NXPH1: variants seen among roughly 807,000 people sequenced by gnomAD.
NXPH1 encodes the protein neurexophilin 1, also known as neurexophilin-1.
A neutral mutation model predicts 23.7 loss-of-function variants in NXPH1; 5 were observed. That is an observed-to-expected ratio of 0.21 (90% confidence interval 0.11 to 0.44). The LOEUF is 0.44. Ranked by LOEUF, NXPH1 falls within the 20% of genes least tolerant of loss-of-function variation. The pLI, the probability that NXPH1 is intolerant of heterozygous loss-of-function variation, is 0.99. For synonymous variants in NXPH1, 144 were observed against 122.2 expected (o/e 1.18, Z -1.18); for missense variants, 324 against 321.6 (o/e 1.01, Z -0.06).
At chr7:8,531,942 T>C (rs926652306) in intron 2 of NXPH1, among the ~76,000 whole-genome samples, 2 of 152,172 alleles carry the variant, frequency 1.3e-5, no homozygotes, top group Non-Finnish European at 2.9e-5. Flanking sequence ...TTGTATCTGA[T>C]CCTTCGTCTC....
chr7:8,591,164 T>C (rs1397545586), intron 2 of NXPH1, among the ~76,000 whole-genome samples: 2 of 152,094 alleles, frequency 1.3e-5, no homozygotes, highest in African/African-American at 4.8e-5. Context: ...GTTTATTGAG[T>C]GTTTACAGTG....
intron 2 of NXPH1, among the ~76,000 whole-genome samples, chr7:8,634,583 C>G (rs1376514613): frequency 6.7e-6 from 1 of 149,188 alleles, no homozygotes; most frequent in African/African-American, 2.5e-5. Context: ...TTTGCATTAA[C>G]TTACAAAGCA....
chr7:8,443,991 C>T (rs1816353741), intron 2 of NXPH1, among the ~76,000 whole-genome samples: 2 of 152,186 alleles, frequency 1.3e-5, no homozygotes, highest in South Asian at 2.1e-4. Flanking sequence ...GCAGACACTG[C>T]GGTCACTTAA....
intron 2 of NXPH1, among the ~76,000 whole-genome samples, chr7:8,597,468 A>T (rs79414630): frequency 0.046 from 6,934 of 152,120 alleles, 226 homozygotes; most frequent in East Asian, 0.12. Flanking sequence ...GAGTTTGAAT[A>T]AAGGTTGTAC....
intron 2 of NXPH1, among the ~76,000 whole-genome samples, chr7:8,465,140 A>T (rs918208582): frequency 1.3e-5 from 2 of 152,218 alleles, no homozygotes; most frequent in African/African-American, 4.8e-5. Flanking sequence ...AGTATAGGGG[A>T]TCTCCCCAAA....
intron 2 of NXPH1, among the ~76,000 whole-genome samples, chr7:8,660,956 C>CTT (rs78990589): frequency 0.075 from 10,414 of 139,442 alleles, 676 homozygotes; most frequent in East Asian, 0.26. Flanking sequence ...TATATCATTC[C>CTT]TTTTTTTTTT....
rs544232258 is a variant in NXPH1 at position 8,500,257 on chromosome 7, T to G, written c.54+64490T>G. Among the ~76,000 whole-genome samples, 2 of 152,186 alleles carry G rather than the reference T, an allele frequency of 1.3e-5. 1 individual carries two copies. The highest frequency in any genetic ancestry group is 4.1e-4 in the South Asian group (2 of 4,826). Reference sequence around the variant, plus strand: ...CTAAGTTTTACTTCAGCAGCATCAATTACCTTTTGTCTAGTAGTCCCTCAG... The same window carrying G: ...CTAAGTTTTACTTCAGCAGCATCAAGTACCTTTTGTCTAGTAGTCCCTCAG... On this transcript the variant is annotated intron_variant, in intron 2 of 2. Transcript: ENST00000405863.
At chr7:8,624,708 AT>A in intron 2 of NXPH1, among the ~76,000 whole-genome samples, 1 of 152,266 alleles carries the variant, frequency 6.6e-6, no homozygotes, top group Middle Eastern at 3.4e-3. Flanking sequence ...AGTAAAGACA[AT>A]TGCAGAGTGA....
At chr7:8,704,750 T>TAA (rs35297418) in intron 2 of NXPH1, among the ~76,000 whole-genome samples, 20 of 146,022 alleles carry the variant, frequency 1.4e-4, no homozygotes, top group Admixed American at 6.1e-4. Context: ...ACTTAATCTG[T>TAA]AAAAAAAAAA....
chr7:8,712,679 T>G (rs1386965955), intron 2 of NXPH1, among the ~76,000 whole-genome samples: 3 of 152,214 alleles, frequency 2.0e-5, no homozygotes, highest in Non-Finnish European at 4.4e-5. Flanking sequence ...CTCATTGACT[T>G]CTTATGTCAG....
At chr7:8,630,213 C>T (rs1820098847) in intron 2 of NXPH1, among the ~76,000 whole-genome samples, 1 of 151,996 alleles carries the variant, frequency 6.6e-6, no homozygotes, top group Non-Finnish European at 1.5e-5. Context: ...AGAGACTTCA[C>T]CTGGAAAGTT....
At chr7:8,533,637 A>T (rs948167210) in intron 2 of NXPH1, among the ~76,000 whole-genome samples, 1 of 152,204 alleles carries the variant, frequency 6.6e-6, no homozygotes, top group Non-Finnish European at 1.5e-5. Context: ...TGCTTTTTCC[A>T]AATTTTGTAC....
chr7:8,615,391 GT>G (rs771899102), intron 2 of NXPH1, among the ~76,000 whole-genome samples: 8 of 151,956 alleles, frequency 5.3e-5, no homozygotes, highest in Non-Finnish European at 1.0e-4. Context: ...ACCTCTTAAG[GT>G]TGTTGAGAGG....
At chr7:8,511,429 G>T (rs1239016963) in intron 2 of NXPH1, among the ~76,000 whole-genome samples, 2 of 152,066 alleles carry the variant, frequency 1.3e-5, no homozygotes, top group African/African-American at 4.8e-5. Flanking sequence ...TCTGCTGCAT[G>T]CGGCCTGGGC....
chr7:8,590,772 A>G (rs1819076785), intron 2 of NXPH1, among the ~76,000 whole-genome samples: 1 of 151,904 alleles, frequency 6.6e-6, no homozygotes, highest in African/African-American at 2.4e-5. Flanking sequence ...CTGGTAAGCA[A>G]TTAGGATTAG....
intron 2 of NXPH1, among the ~76,000 whole-genome samples, chr7:8,641,575 A>G (rs775134999): frequency 6.6e-6 from 1 of 152,050 alleles, no homozygotes; most frequent in Non-Finnish European, 1.5e-5. Context: ...CTCTTCAGCT[A>G]TGTGTATCTG....
intron 2 of NXPH1, among the ~76,000 whole-genome samples, chr7:8,517,476 G>A (rs576522415): frequency 6.6e-6 from 1 of 152,236 alleles, no homozygotes; most frequent in African/African-American, 2.4e-5. Context: ...GTTTCTGGGG[G>A]AGCCCATCTC....
rs186124581 is a variant in NXPH1 at position 8,552,853 on chromosome 7, A to G, written c.54+117086A>G. Among the ~76,000 whole-genome samples, 254 of 151,712 alleles carry G rather than the reference A, an allele frequency of 1.7e-3. 2 individuals are homozygous for G. Among genetic ancestry groups the G allele is most frequent in the African/African-American group, 5.7e-3 (238 of 41,470 alleles). On this transcript the variant is annotated intron_variant, in intron 2 of 2. Transcript: ENST00000405863. ...TACATCTCAGGACATTATGTAATAC[A>G]TTTCAAGCAAATCAGATTGGAAGAA...
chr7:8,594,644 G>A (rs1026889005), intron 2 of NXPH1, among the ~76,000 whole-genome samples: 11 of 151,922 alleles, frequency 7.2e-5, no homozygotes, highest in African/African-American at 2.7e-4. Flanking sequence ...GACTTGGGGG[G>A]AAGAGAAATG....
Sources: allele counts gnomAD v4.1 joint callset (sites outside exome capture counted in the v4.1 genomes callset), GRCh38; gene constraint gnomAD v4.1.1; transcripts MANE v1.5; gene names NCBI Gene and HGNC (gene_info 2026-07-23, HGNC 2026-07-21).